Variants in FAT3 observed in about 807,000 individuals in gnomAD.
FAT3 encodes the protein protocadherin Fat 3.
In FAT3, 95 loss-of-function variants were observed where a neutral mutation model predicts 310.2. The ratio of observed to expected loss-of-function variants is 0.31; its 90% CI spans 0.26 to 0.36. The LOEUF (loss-of-function observed/expected upper bound fraction) is 0.36. Among genes scored for constraint, FAT3 ranks in the 10% least tolerant of loss-of-function variants. The pLI, the probability that FAT3 is intolerant of heterozygous loss-of-function variation, is 1.00. For synonymous variants in FAT3, 2,314 were observed against 2,192.9 expected, an observed-to-expected ratio of 1.06 and a Z score of -1.54; for missense variants, 5,408 against 5,715.6, an observed-to-expected ratio of 0.95 and a Z score of 1.74.
At chr11:92,752,197 G>T (rs1413745081) in intron 4 of FAT3, among the ~76,000 whole-genome samples, 1 of 152,252 alleles carries the variant, frequency 6.6e-6, no homozygotes, top group East Asian at 1.9e-4. Flanking sequence ...CAGCATGGCT[G>T]CATTCCAATA....
intron 1 of FAT3, among the ~76,000 whole-genome samples, chr11:92,245,297 C>T (rs2212390): frequency 6.6e-6 from 1 of 151,244 alleles, no homozygotes; most frequent in African/African-American, 2.4e-5. Context: ...ATAATGAGAA[C>T]ACATGGACAC....
chr11:92,770,203 C>T (rs958063592), intron 6 of FAT3, among the ~76,000 whole-genome samples: 1 of 152,122 alleles, frequency 6.6e-6, no homozygotes, highest in African/African-American at 2.4e-5. Context: ...TTTTCCATAG[C>T]AACAGTCTGG....
Position 92,354,866 on chromosome 11 carries a change from A to T in FAT3, c.2754A>T (p.Ser918=). The change falls in exon 2 of 28, where the codon TCA becomes TCT. Residue 918 remains serine (S), a synonymous_variant. Transcript: ENST00000525166. ...DKAESGQQLF[S]VVTLKVFLDD... is the part of the protein sequence containing the mutation. Reference sequence around the variant, plus strand: ...CAGAGAGTGGTCAGCAGCTGTTTTCAGTTGTCACTCTTAAAGTTTTTTTAG... The same window carrying T: ...CAGAGAGTGGTCAGCAGCTGTTTTCTGTTGTCACTCTTAAAGTTTTTTTAG... 1.2e-6 allele frequency: 2 copies of T among 1,613,908 alleles called. No homozygotes were observed.
intron 1 of FAT3, among the ~76,000 whole-genome samples, chr11:92,329,320 G>C (rs965438837): frequency 6.6e-6 from 1 of 151,828 alleles, no homozygotes; most frequent in Non-Finnish European, 1.5e-5. Flanking sequence ...TGCTCTGTTT[G>C]TTTCTAGGAG....
Position 92,524,668 on chromosome 11 carries a change from G to A in FAT3, c.3327G>A (p.Glu1109=), listed in dbSNP as rs1321433374. 6 of 1,613,608 alleles carry A rather than the reference G, an allele frequency of 3.7e-6. No individual in the cohort carries two copies. Among genetic ancestry groups the A allele is most frequent in the Non-Finnish European group, 5.1e-6 (6 of 1,179,736 alleles). Residue 1109 remains glutamate (E), a synonymous_variant, in exon 3 of 28, where the codon GAG becomes GAA. Coordinates refer to ENST00000525166, the MANE Select transcript of FAT3 (RefSeq NM_001367949.2). ...VITAADILDR[E]TMGSYWLTVY... is the part of the protein sequence containing the mutation. ...CTGCCGCAGACATTCTTGATCGGGA[G>A]ACAATGGGGTCATACTGGCTAACAG...
intron 2 of FAT3, among the ~76,000 whole-genome samples, chr11:92,451,353 A>G (rs1383001829): frequency 6.6e-6 from 1 of 152,198 alleles, no homozygotes; most frequent in African/African-American, 2.4e-5. Flanking sequence ...CCAGCCTTCC[A>G]TGACCTGTCT....
chr11:92,457,612 C>T (rs1273171072), intron 2 of FAT3, among the ~76,000 whole-genome samples: 1 of 152,098 alleles, frequency 6.6e-6, no homozygotes, highest in South Asian at 2.1e-4. Context: ...TTAATATAAC[C>T]ATACATGAAA....
intron 1 of FAT3, among the ~76,000 whole-genome samples, chr11:92,340,897 G>A (rs1199897110): frequency 1.3e-5 from 2 of 152,110 alleles, no homozygotes; most frequent in Admixed American, 6.5e-5. Context: ...AGACGCAGTT[G>A]TCAAAATTTG....
chr11:92,754,052 G>A (rs1945904084), intron 4 of FAT3, among the ~76,000 whole-genome samples: 2 of 151,728 alleles, frequency 1.3e-5, no homozygotes, highest in Admixed American at 1.3e-4. Context: ...CAGGTGAGGG[G>A]TGCACCAACA....
At chr11:92,690,097 G>C (rs1187433814) in intron 3 of FAT3, among the ~76,000 whole-genome samples, 4 of 152,196 alleles carry the variant, frequency 2.6e-5, no homozygotes, top group Non-Finnish European at 5.9e-5. Flanking sequence ...TTTGCTACCT[G>C]TAGCGGCTAC....
At position 92,801,640 on chromosome 11, in the gene FAT3, G is replaced by A. The variant is rs1253854095; in HGVS notation, c.8627G>A (p.Ser2876Asn). ...ATTGACAGCAACACGGGCTGGATCA[G>A]TACCTTGAAGGACCTAGATCACGAG... The part of the protein sequence containing the change: ...FNIDSNTGWI[S>N]TLKDLDHETD... The change falls in exon 10 of 28, where the codon AGT becomes AAT. Residue 2876 changes from serine to asparagine, a missense_variant. Ser to Asn is a conservative substitution (Grantham distance 46). This residue lies in a region of FAT3 where 4,588 missense variants were observed against 4,809.8 expected (regional missense o/e 0.95). Coordinates refer to ENST00000525166, the MANE Select transcript of FAT3 (RefSeq NM_001367949.2). The A allele has an allele frequency of 6.2e-7, 1 of 1,613,720 alleles. No individual in the cohort carries two copies. The highest frequency in any genetic ancestry group is 1.3e-5 in the African/African-American group (1 of 74,912).
intron 2 of FAT3, among the ~76,000 whole-genome samples, chr11:92,443,982 G>T (rs151002243): frequency 3.7e-4 from 56 of 152,278 alleles, no homozygotes; most frequent in African/African-American, 1.3e-3. Flanking sequence ...AGGAAACTCA[G>T]TTTCTTGGAC....
chr11:92,869,195 T>C (rs986831221), intron 22 of FAT3, among the ~76,000 whole-genome samples: 2 of 152,256 alleles, frequency 1.3e-5, no homozygotes, highest in Non-Finnish European at 2.9e-5. Context: ...CTCACCTTCA[T>C]CTACACAGTT....
chr11:92,684,623 T>A (rs1291870924), intron 3 of FAT3, among the ~76,000 whole-genome samples: 14 of 152,142 alleles, frequency 9.2e-5, no homozygotes, highest in Admixed American at 7.2e-4. Flanking sequence ...TCTAGCTACT[T>A]AGTGATGTAA....
chr11:92,480,323 C>A (rs932449182), intron 2 of FAT3, among the ~76,000 whole-genome samples: 1 of 152,110 alleles, frequency 6.6e-6, no homozygotes, highest in Non-Finnish European at 1.5e-5. Flanking sequence ...GGAGTAAGTT[C>A]AAAGACAGTA....
chr11:92,272,039 C>A (rs993490440), intron 1 of FAT3, among the ~76,000 whole-genome samples: 1 of 152,080 alleles, frequency 6.6e-6, no homozygotes, highest in Non-Finnish European at 1.5e-5. Context: ...CTCTGTCAAG[C>A]AGTCGTTGTC....
At chr11:92,436,247 C>T (rs1014121776) in intron 2 of FAT3, among the ~76,000 whole-genome samples, 2 of 152,130 alleles carry the variant, frequency 1.3e-5, no homozygotes, top group African/African-American at 4.8e-5. Context: ...TCAATCAGTA[C>T]TCCCACGTCA....
In FAT3 at chr11:92,799,836, T is replaced by G. The variant is rs764348545; in HGVS notation, c.6823T>G (p.Leu2275Val). ...TGARAEVTVD[L>V]LVNDVNDNPP... is the part of the protein sequence containing the mutation. ...TGCTAGGGCTGAAGTCACTGTTGAC[T>G]TGCTAGTTAATGATGTAAATGACAA... The change falls in exon 10 of 28, where the codon TTG becomes GTG. Residue 2275 changes from leucine to valine, a missense_variant. Transcript: ENST00000525166. The G allele has an allele frequency of 1.2e-6, 2 of 1,613,426 alleles. No homozygotes were observed. The highest frequency in any genetic ancestry group is 4.5e-5 in the East Asian group (2 of 44,834).
chr11:92,229,669 G>T (rs1320821511), intron 1 of FAT3, among the ~76,000 whole-genome samples: 2 of 151,248 alleles, frequency 1.3e-5, no homozygotes, highest in African/African-American at 2.4e-5. Flanking sequence ...CCAGTTTCTG[G>T]TCTACCAAAA....
Sources: allele counts gnomAD v4.1 joint callset (sites outside exome capture counted in the v4.1 genomes callset), GRCh38; gene constraint gnomAD v4.1.1; regional missense constraint gnomAD v4.1.1; transcripts MANE v1.5; gene names NCBI Gene and HGNC (gene_info 2026-07-23, HGNC 2026-07-21).